GNS: variants seen among roughly 807,000 people sequenced by gnomAD.
The protein encoded by GNS is glucosamine (N-acetyl)-6-sulfatase, also known as N-acetylglucosamine-6-sulfatase.
GNS carries 40 observed loss-of-function variants against 69.7 expected under a neutral mutation model. That is an observed-to-expected ratio of 0.57 (90% CI 0.45 to 0.75). The LOEUF is 0.75. Ranked by LOEUF, GNS falls within the 30% of genes least tolerant of loss-of-function variation. GNS has a pLI of 0.00. For synonymous variants in GNS, 243 were observed against 251.6 expected (o/e 0.97, Z 0.32); for missense variants, 565 against 685.5 (o/e 0.82, Z 1.96).
rs1870395171 is a variant in GNS at position 64,759,287 on chromosome 12, C to T, written c.-11G>A. ...AGGCAGGAGCCGCATAGCGGACAGGCTCCGGGGTGACCCCGGGACGGGACG... is the reference window on the plus strand; with the variant it reads ...AGGCAGGAGCCGCATAGCGGACAGGTTCCGGGGTGACCCCGGGACGGGACG... On this transcript the variant is annotated 5_prime_UTR_variant, in exon 1 of 14. Transcript: ENST00000258145. The T allele has an allele frequency of 4.7e-6, 7 of 1,496,860 alleles. No individual in the cohort carries two copies. Among genetic ancestry groups the T allele is most frequent in the South Asian group, 2.6e-5 (2 of 76,906 alleles). The allele number at this position is 1,496,860 out of a possible 1,614,324, so 92.7% of individuals were successfully genotyped here. A position where few individuals can be genotyped will look rare whatever the true frequency, so the allele number is the denominator to read the frequency against.
chr12:64,756,305 G>C (rs939768384), intron 1 of GNS, among the ~76,000 whole-genome samples: 1 of 152,144 alleles, frequency 6.6e-6, no homozygotes, highest in Non-Finnish European at 1.5e-5. Flanking sequence ...ATCTTTTTTA[G>C]GTTAGAGCTC....
At chr12:64,731,921 C>T (rs1404295784) in intron 9 of GNS, among the ~76,000 whole-genome samples, 1 of 152,076 alleles carries the variant, frequency 6.6e-6, no homozygotes, top group African/African-American at 2.4e-5. Context: ...GGTGAGAGAG[C>T]ACCTATCTCA....
intron 3 of GNS, among the ~76,000 whole-genome samples, chr12:64,747,396 A>G (rs1869927763): frequency 6.6e-6 from 1 of 152,236 alleles, no homozygotes; most frequent in African/African-American, 2.4e-5. Context: ...AGAATTCCTG[A>G]GGAAAAAGGG....
chr12:64,725,447 C>T (rs999086893), intron 10 of GNS, among the ~76,000 whole-genome samples: 12 of 152,206 alleles, frequency 7.9e-5, no homozygotes, highest in Non-Finnish European at 1.5e-5. Context: ...CTTTGCTGTT[C>T]AATATGATGG....
intron 10 of GNS, among the ~76,000 whole-genome samples, chr12:64,724,498 A>G (rs187817199): frequency 6.6e-6 from 1 of 152,346 alleles, no homozygotes. Flanking sequence ...TTGTTGTTCT[A>G]CAATGAAACT....
intron 2 of GNS, among the ~76,000 whole-genome samples, chr12:64,749,016 T>C (rs1264446859): frequency 6.6e-6 from 1 of 152,172 alleles, no homozygotes. Flanking sequence ...CTTGGCTCAC[T>C]GCAAGCTCCG....
rs951936514 is a variant in GNS at position 64,759,121 on chromosome 12, G to A, written c.156C>T (p.Leu52=). ...GCACTTCGTCCTGGTCGTCCGTGAGGAGCAGCACCACGTTGGGCCTCCGGG... is the reference window on the plus strand; with the variant it reads ...GCACTTCGTCCTGGTCGTCCGTGAGAAGCAGCACCACGTTGGGCCTCCGGG... The part of the protein sequence containing the change: ...AGTRRPNVVL[L]LTDDQDEVLG... Residue 52 remains leucine, a synonymous_variant, in exon 1 of 14, where the codon CTC becomes CTT. Transcript: ENST00000258145. 143 of 1,563,884 alleles carry A rather than the reference G, an allele frequency of 9.1e-5. No individual in the cohort carries two copies. Among genetic ancestry groups the A allele is most frequent in the Admixed American group, 1.1e-4 (6 of 52,328 alleles).
At chr12:64,756,236 G>A (rs1476612281) in intron 1 of GNS, among the ~76,000 whole-genome samples, 1 of 152,212 alleles carries the variant, frequency 6.6e-6, no homozygotes, top group Non-Finnish European at 1.5e-5. Flanking sequence ...CCTTTGACCT[G>A]AGTGAGATTG....
chr12:64,745,892 T>G, intron 3 of GNS, 168 bp from the exon 4 acceptor site: 1 of 624,246 alleles, frequency 1.6e-6, no homozygotes, highest in South Asian at 1.9e-5. Flanking sequence ...CCTAGGAACT[T>G]CTAAAGCAGG....
At chr12:64,742,198 T>C (rs2136247033) in intron 6 of GNS, among the ~76,000 whole-genome samples, 1 of 152,214 alleles carries the variant, frequency 6.6e-6, no homozygotes, top group Admixed American at 6.5e-5. Flanking sequence ...TTTTTTGTAC[T>C]TTTAGTAGAG....
At position 64,720,012 on chromosome 12, in the gene GNS, G is replaced by C; in HGVS notation, c.1580+10C>G. 6.2e-7 allele frequency: 1 copy of C among 1,608,066 alleles called. No homozygotes were observed. Among genetic ancestry groups the C allele is most frequent in the Non-Finnish European group, 8.5e-7 (1 of 1,174,656 alleles). On this transcript the variant is annotated intron_variant, in intron 13 of 13. Coordinates refer to ENST00000258145, the MANE Select transcript of GNS (RefSeq NM_002076.4). Reference sequence around the variant, plus strand: ...ACTTGGCCAAGTAAATGAAGAGAAAGGAAACTTACCCGGGGTCAAAAACCC... The same window carrying C: ...ACTTGGCCAAGTAAATGAAGAGAAACGAAACTTACCCGGGGTCAAAAACCC...
Position 64,723,019 on chromosome 12 carries a change from C to A in GNS, c.1295G>T (p.Ser432Ile). Residue 432 changes from serine (S) to isoleucine (I), a missense_variant, in exon 11 of 14, where the codon AGT becomes ATT. By Grantham distance (142) the Ser-to-Ile change is moderately radical. This residue lies in a region of GNS where 384 missense variants were observed against 511.0 expected (regional missense o/e 0.75). Transcript: ENST00000258145. ...NVTDPTCPSL[S>I]PGVSQCFPDC... is the part of the protein sequence containing the mutation. ...GCTATTACTCACAGATACGCCAGGACTCAGGGAAGGGCATGTTGGGTCAGT... is the reference window on the plus strand; with the variant it reads ...GCTATTACTCACAGATACGCCAGGAATCAGGGAAGGGCATGTTGGGTCAGT... 2 of 1,597,730 alleles carry A rather than the reference C, an allele frequency of 1.3e-6. No homozygotes were observed. The highest frequency in any genetic ancestry group is 1.7e-6 in the Non-Finnish European group (2 of 1,164,988).
chr12:64,747,732 CA>C lies in GNS; in HGVS notation c.438del (p.Phe146LeufsTer6). On this transcript the variant is annotated frameshift_variant, in exon 3 of 14. Transcript: ENST00000258145. LOFTEE classifies it high-confidence loss of function. ...LRSMCGYQTF[F>X]AGKYLNEYGA... ...CATACCTCATTTAAATATTTCCCTG[CA>C]AAAAAGGTCTGATAACCACACATTG... The C allele has an allele frequency of 1.9e-6, 3 of 1,601,770 alleles. No homozygotes were observed. Among genetic ancestry groups the C allele is most frequent in the Non-Finnish European group, 2.6e-6 (3 of 1,168,766 alleles).
At chr12:64,718,889 T>G (rs2136236096) in intron 13 of GNS, among the ~76,000 whole-genome samples, 1 of 152,348 alleles carries the variant, frequency 6.6e-6, no homozygotes, top group African/African-American at 2.4e-5. Flanking sequence ...GCTTTTATTT[T>G]AGGGACTGGA....
intron 1 of GNS, among the ~76,000 whole-genome samples, chr12:64,754,892 A>G (rs547910345): frequency 7.0e-6 from 1 of 142,514 alleles, no homozygotes; most frequent in East Asian, 2.0e-4. Context: ...CTTGTCTCCA[A>G]AAAAAAAAAA....
Position 64,752,678 on chromosome 12 carries a change from G to C in GNS, c.252+20C>G, listed in dbSNP as rs773575026. On this transcript the variant is annotated intron_variant, in intron 2 of 13. Coordinates refer to ENST00000258145, the MANE Select transcript of GNS (RefSeq NM_002076.4). ...CAAACACAGTTAAATTAACAAAATT[G>C]AATTAACTTTCAAACTTACAGCACT... The C allele has an allele frequency of 1.6e-6, 2 of 1,281,704 alleles. No homozygotes were observed. Among genetic ancestry groups the C allele is most frequent in the Non-Finnish European group, 2.3e-6 (2 of 879,958 alleles). 79.4% of individuals were successfully genotyped at this position (1,281,704 alleles called of 1,614,324 possible).
rs1438623526 is a variant in GNS at position 64,716,024 on chromosome 12, G to C, written c.*717C>G. ...CCCTGTGGTTGGCAGCCACTGGAAA[G>C]TAGATGGCTATCACCTTCAAGAGCT... On this transcript the variant is annotated 3_prime_UTR_variant, in exon 14 of 14. Coordinates refer to ENST00000258145, the MANE Select transcript of GNS (RefSeq NM_002076.4). 6.5e-6 allele frequency: 1 copy of C among 153,802 alleles called. No homozygotes were observed. Among genetic ancestry groups the C allele is most frequent in the Admixed American group, 6.4e-5 (1 of 15,672 alleles). 9.5% of individuals were successfully genotyped at this position (153,802 alleles called of 1,614,324 possible). A position where few individuals can be genotyped will look rare whatever the true frequency, so the allele number is the denominator to read the frequency against.
At chr12:64,741,839 AT>A (rs1869747187) in intron 6 of GNS, among the ~76,000 whole-genome samples, 1 of 152,224 alleles carries the variant, frequency 6.6e-6, no homozygotes, top group Non-Finnish European at 1.5e-5. Context: ...AGAAATTCAC[AT>A]TCGATCATGA....
rs1285523034 is a variant in GNS, at chr12:64,721,721, A to G, written c.1309-16T>C. The G allele has an allele frequency of 7.9e-7, 1 of 1,257,922 alleles. No homozygotes were observed. Among genetic ancestry groups the G allele is most frequent in the Non-Finnish European group, 1.2e-6 (1 of 854,532 alleles). The allele number at this position is 1,257,922 out of a possible 1,614,324, so 77.9% of individuals were successfully genotyped here. ...GGAAGCATTGCTGTAGGGATATTTC[A>G]AAAGTTAAATGAAGACAGTTCTTCC... On this transcript the variant is annotated splice_polypyrimidine_tract_variant and intron_variant, in intron 11 of 13. Transcript: ENST00000258145.
Sources: gnomAD v4.1 joint callset for allele counts (sites outside exome capture counted in the v4.1 genomes callset) on GRCh38, gnomAD v4.1.1 for gene constraint, gnomAD v4.1.1 regional missense constraint, MANE v1.5 for transcripts, NCBI Gene and HGNC (gene_info 2026-07-23, HGNC 2026-07-21) for gene names.